The following TSPEAR variants were observed in gnomAD, a reference collection of about 807,000 sequenced individuals.
The protein encoded by TSPEAR is thrombospondin type laminin G domain and EAR repeats.
A neutral mutation model predicts 71.6 loss-of-function variants in TSPEAR; 69 were observed. That is an observed-to-expected ratio of 0.96 (90% CI 0.79 to 1.18). The LOEUF (loss-of-function observed/expected upper bound fraction) is 1.18, where lower values mean the gene tolerates loss of function less well. Ranked by LOEUF, TSPEAR falls within the 50% of genes most tolerant of loss-of-function variation. The pLI is 0.00. For synonymous variants in TSPEAR, 402 were observed against 387.2 expected (o/e 1.04, Z -0.45); for missense variants, 971 against 894.9 (o/e 1.09, Z -1.09).
Position 44,627,005 on chromosome 21 carries a change from G to A in TSPEAR, c.83-59000C>T, listed in dbSNP as rs587752943. 7.3e-5 allele frequency: 80 copies of A among 1,101,716 alleles called. No individual in the cohort carries two copies. The East Asian group carries it at 9.9e-4, about 14-fold the overall frequency. The allele number at this position is 1,101,716 out of a possible 1,614,324, so 68.2% of individuals were successfully genotyped here. A position where few individuals can be genotyped will look rare whatever the true frequency, so the allele number is the denominator to read the frequency against. ...AACATCCCTAATCATGGCAGACGCC[G>A]CCTCTCAGCAACAAGGAAGGGGAAG... On this transcript the variant is annotated intron_variant, in intron 1 of 11. Transcript: ENST00000323084.
At chr21:44,660,214 G>T (rs758311235) in intron 1 of TSPEAR, among the ~76,000 whole-genome samples, 5 of 152,140 alleles carry the variant, frequency 3.3e-5, no homozygotes, top group Admixed American at 2.6e-4. Flanking sequence ...ATTTAAAGAG[G>T]TAATAGTTGA....
At chr21:44,550,569 G>T (rs2053395593) in intron 2 of TSPEAR, 2 of 1,422,268 alleles carry the variant, frequency 1.4e-6, no homozygotes, top group African/African-American at 1.4e-5. Context: ...CCCGGGGCTG[G>T]GCGGCTGTGG....
chr21:44,660,616 A>C (rs587725654), intron 1 of TSPEAR, among the ~76,000 whole-genome samples: 2 of 152,256 alleles, frequency 1.3e-5, no homozygotes, highest in Non-Finnish European at 2.9e-5. Flanking sequence ...TTCTTAAAAA[A>C]TTTCTTTGAG....
At chr21:44,592,971 G>C (rs1160342953) in intron 1 of TSPEAR, among the ~76,000 whole-genome samples, 1 of 152,224 alleles carries the variant, frequency 6.6e-6, no homozygotes, top group Admixed American at 6.5e-5. Context: ...CCTGGGCCAT[G>C]GCATGGTGGG....
At chr21:44,671,172 T>G (rs587649193) in intron 1 of TSPEAR, among the ~76,000 whole-genome samples, 47 of 152,326 alleles carry the variant, frequency 3.1e-4, no homozygotes, top group African/African-American at 1.1e-3. Flanking sequence ...CAGCGCTCAC[T>G]TGCATGTGCC....
At chr21:44,505,567 TCCCC>T (rs1270275295) in intron 10 of TSPEAR, among the ~76,000 whole-genome samples, 3 of 8,506 alleles carry the variant, frequency 3.5e-4, no homozygotes, top group African/African-American at 6.3e-4. Context: ...CCCTCCCCCC[TCCCC>T]CCCCCCCCCC....
intron 1 of TSPEAR, among the ~76,000 whole-genome samples, chr21:44,609,877 G>A (rs1555930504): frequency 6.6e-6 from 1 of 152,140 alleles, no homozygotes; most frequent in Admixed American, 6.5e-5. Context: ...GATGGGAAGG[G>A]GGAACTTTTC....
intron 11 of TSPEAR, among the ~76,000 whole-genome samples, chr21:44,504,579 G>A (rs1437164949): frequency 9.3e-6 from 1 of 107,618 alleles, no homozygotes; most frequent in Non-Finnish European, 1.8e-5. Context: ...GGCCGGCCTC[G>A]GTGAGCCCAC....
rs934529066 is a variant in TSPEAR at position 44,638,716 on chromosome 21, C to T, written c.83-70711G>A. 2.3e-3 allele frequency among the ~76,000 whole-genome samples: 348 copies of T among 151,594 alleles called. 1 individual carries two copies. Among genetic ancestry groups the T allele is most frequent in the Non-Finnish European group, 3.1e-3 (209 of 67,950 alleles). ...CCCCCAACCCCAGCACGTGGCCCCC[C>T]GGCCCATCTTAGGAAAGCTGCCTCT... On this transcript the variant is annotated intron_variant, in intron 1 of 11. Coordinates refer to ENST00000323084, the MANE Select transcript of TSPEAR (RefSeq NM_144991.3).
chr21:44,567,512 C>T (rs1390298570), intron 2 of TSPEAR, among the ~76,000 whole-genome samples: 1 of 152,154 alleles, frequency 6.6e-6, no homozygotes, highest in Non-Finnish European at 1.5e-5. Flanking sequence ...TTAGCGCTTC[C>T]TGCCAAAGGA....
rs549895073 is a variant in TSPEAR at position 44,697,354 on chromosome 21, C to G, written c.82+14079G>C. The G allele has an allele frequency of 2.2e-5, 36 of 1,613,314 alleles. No individual in the cohort carries two copies. The East Asian group carries it at 4.2e-4, about 19-fold the overall frequency. On this transcript the variant is annotated intron_variant, in intron 1 of 11. Coordinates refer to ENST00000323084, the MANE Select transcript of TSPEAR (RefSeq NM_144991.3). ...CCCCGGCCCCCTGCCTGAGCCTGGT[C>G]TGCACCCCAGTGAGCCGTGTATCCA... is the stretch of plus-strand genomic sequence containing the variant.
intron 1 of TSPEAR, among the ~76,000 whole-genome samples, chr21:44,590,500 C>T (rs1555926342): frequency 1.3e-5 from 2 of 152,152 alleles, no homozygotes; most frequent in East Asian, 3.9e-4. Context: ...CCCTGCCCAT[C>T]TGTGTTCTCG....
At chr21:44,557,686 C>T (rs977724116) in intron 2 of TSPEAR, 30 of 286,422 alleles carry the variant, frequency 1.0e-4, no homozygotes, top group African/African-American at 6.2e-4. Flanking sequence ...CTGGTGCTGT[C>T]AGCCTGGATG....
chr21:44,573,393 C>T (rs9976331), intron 1 of TSPEAR, among the ~76,000 whole-genome samples: 6,005 of 152,084 alleles, frequency 0.039, 379 homozygotes, highest in African/African-American at 0.14. Context: ...GGCACCCACT[C>T]CCCATAGCCC....
chr21:44,622,481 G>A (rs1434150710), intron 1 of TSPEAR, among the ~76,000 whole-genome samples: 2 of 152,186 alleles, frequency 1.3e-5, no homozygotes, highest in African/African-American at 4.8e-5. Context: ...CCAGGCACCT[G>A]AAATGAAGAT....
chr21:44,504,141 C>T (rs1373161992), intron 11 of TSPEAR, among the ~76,000 whole-genome samples: 4 of 145,062 alleles, frequency 2.8e-5, no homozygotes, highest in Non-Finnish European at 6.0e-5. Context: ...CTCAGTGAGC[C>T]CACAGTGGGG....
intron 1 of TSPEAR, among the ~76,000 whole-genome samples, chr21:44,609,125 T>A (rs969062518): frequency 1.8e-4 from 27 of 152,126 alleles, no homozygotes; most frequent in South Asian, 4.1e-4. Flanking sequence ...AAGAGTTCCA[T>A]AGAACACGCA....
intron 1 of TSPEAR, among the ~76,000 whole-genome samples, chr21:44,630,504 T>G (rs185368047): frequency 1.5e-4 from 23 of 152,342 alleles, no homozygotes; most frequent in African/African-American, 5.3e-4. Context: ...CCACATATTC[T>G]TGGGAGTCTA....
At chr21:44,579,856 A>G in intron 1 of TSPEAR, 3 of 1,596,808 alleles carry the variant, frequency 1.9e-6, no homozygotes, top group Non-Finnish European at 2.6e-6. Flanking sequence ...AGGCAGGGGC[A>G]CAGCAGGAGG....
Sources: allele counts gnomAD v4.1 joint callset (sites outside exome capture counted in the v4.1 genomes callset), GRCh38; gene constraint gnomAD v4.1.1; transcripts MANE v1.5; gene names NCBI Gene and HGNC (gene_info 2026-07-23, HGNC 2026-07-21).